RBFOX1: variants seen among roughly 807,000 people sequenced by gnomAD.
The protein encoded by RBFOX1 is RNA binding protein fox-1 homolog 1.
Under a neutral mutation model 57.7 loss-of-function variants are expected in RBFOX1, and 8 were observed. The observed-to-expected ratio is 0.14, with a 90% CI of 0.08 to 0.25. The LOEUF is 0.25. Ranked by LOEUF, RBFOX1 falls within the 10% of genes least tolerant of loss-of-function variation. RBFOX1 has a pLI of 1.00. For synonymous variants in RBFOX1, 326 were observed against 222.4 expected (o/e 1.47, Z -4.15); for missense variants, 611 against 548.5 (o/e 1.11, Z -1.14).
chr16:5,803,313 G>A (rs951533601), intron 3 of RBFOX1, among the ~76,000 whole-genome samples: 1 of 152,102 alleles, frequency 6.6e-6, no homozygotes. Context: ...ACTATTTTAT[G>A]GTCCTCTTTG....
intron 1 of RBFOX1, among the ~76,000 whole-genome samples, chr16:6,178,242 A>C (rs1414626426): frequency 7.6e-6 from 1 of 130,910 alleles, no homozygotes; most frequent in African/African-American, 3.0e-5. Context: ...GCTGGAGTAC[A>C]GTGGTGAGAT....
intron 4 of RBFOX1, among the ~76,000 whole-genome samples, chr16:7,398,596 A>T (rs942428943): frequency 5.3e-5 from 8 of 152,242 alleles, no homozygotes; most frequent in Non-Finnish European, 1.2e-4. Context: ...GCCACCTTCA[A>T]TCTCTCTAAC....
At chr16:7,160,089 G>C (rs1197284817) in intron 4 of RBFOX1, among the ~76,000 whole-genome samples, 1 of 151,996 alleles carries the variant, frequency 6.6e-6, no homozygotes, top group Non-Finnish European at 1.5e-5. Flanking sequence ...AACAGTATTA[G>C]AACTAATTTC....
intron 3 of RBFOX1, among the ~76,000 whole-genome samples, chr16:6,975,131 C>T (rs762482859): frequency 3.3e-5 from 5 of 152,146 alleles, no homozygotes; most frequent in Admixed American, 6.5e-5. Context: ...GAAGGTGTTT[C>T]ACTCTGTGCA....
chr16:5,717,625 C>G (rs2051760284), intron 3 of RBFOX1, among the ~76,000 whole-genome samples: 1 of 152,172 alleles, frequency 6.6e-6, no homozygotes, highest in Non-Finnish European at 1.5e-5. Context: ...TCCTCAGTTA[C>G]TTCACTTAGA....
chr16:6,184,011 G>C (rs1269887670), intron 1 of RBFOX1, among the ~76,000 whole-genome samples: 1 of 152,170 alleles, frequency 6.6e-6, no homozygotes, highest in East Asian at 1.9e-4. Context: ...CACATGGCTG[G>C]GGAGACCGCA....
intron 2 of RBFOX1, among the ~76,000 whole-genome samples, chr16:6,480,339 T>C (rs1022031338): frequency 3.9e-5 from 6 of 152,334 alleles, no homozygotes; most frequent in African/African-American, 1.4e-4. Flanking sequence ...TTAGACTTCC[T>C]GGGCCACTTG....
rs999317518 is a variant in RBFOX1, at chr16:6,019,040, C to G, written c.-1079C>G. On this transcript the variant is annotated 5_prime_UTR_variant, in exon 1 of 16. Transcript: ENST00000550418. This position sits in a 1 kb window ranked among gnomAD's most constrained non-coding sequence, Gnocchi z 4.2. ...TCGCGCACCAGATTATTTTTGGCTC[C>G]GCAGCCGGGGCTGCTCGCTGCTTGT... 4.7e-5 allele frequency: 45 copies of G among 957,052 alleles called. No homozygotes were observed. The highest frequency in any genetic ancestry group is 5.1e-5 in the Non-Finnish European group (41 of 804,942). The allele number at this position is 957,052 out of a possible 1,614,324, so 59.3% of individuals were successfully genotyped here. A position where few individuals can be genotyped will look rare whatever the true frequency, so the allele number is the denominator to read the frequency against.
intron 3 of RBFOX1, among the ~76,000 whole-genome samples, chr16:5,685,606 G>A (rs1175514788): frequency 6.6e-6 from 1 of 152,170 alleles, no homozygotes; most frequent in African/African-American, 2.4e-5. Context: ...GAACTTTGTA[G>A]GTTCTTTCAT....
intron 3 of RBFOX1, among the ~76,000 whole-genome samples, chr16:5,609,501 C>G (rs912891882): frequency 1.3e-5 from 2 of 152,150 alleles, no homozygotes; most frequent in Non-Finnish European, 2.9e-5. Context: ...CTTGTGGAGA[C>G]AAAGGGCAGG....
intron 2 of RBFOX1, among the ~76,000 whole-genome samples, chr16:6,526,804 T>C (rs1275629153): frequency 3.4e-5 from 4 of 116,612 alleles, no homozygotes; most frequent in African/African-American, 6.9e-5. Flanking sequence ...CACTCCACCC[T>C]TGGCAACAGA....
intron 1 of RBFOX1, among the ~76,000 whole-genome samples, chr16:6,142,454 C>G (rs1038770743): frequency 6.6e-6 from 1 of 151,984 alleles, no homozygotes; most frequent in East Asian, 1.9e-4. Context: ...ATCTCCTGAC[C>G]TTGTGATTCG....
chr16:7,014,615 A>G (rs1024238342), intron 3 of RBFOX1, among the ~76,000 whole-genome samples: 1 of 152,156 alleles, frequency 6.6e-6, no homozygotes, highest in African/African-American at 2.4e-5. Flanking sequence ...GCAAAAATAC[A>G]TTTAAAAGGT....
At chr16:5,655,587 G>C (rs1182814707) in intron 3 of RBFOX1, among the ~76,000 whole-genome samples, 1 of 152,172 alleles carries the variant, frequency 6.6e-6, no homozygotes, top group Non-Finnish European at 1.5e-5. Context: ...GGAATGATTG[G>C]GTGAGGAGCT....
chr16:5,699,390 G>C (rs11646262), intron 3 of RBFOX1, among the ~76,000 whole-genome samples: 1 of 143,704 alleles, frequency 7.0e-6, no homozygotes, highest in African/African-American at 2.7e-5. Context: ...TTTTTCTCCT[G>C]CTCTTGGGTC....
chr16:7,218,381 G>A (rs1432514821), intron 4 of RBFOX1, among the ~76,000 whole-genome samples: 1 of 152,118 alleles, frequency 6.6e-6, no homozygotes, highest in African/African-American at 2.4e-5. Context: ...ATGAGACAGA[G>A]TTAGAAGTGG....
At chr16:7,013,370 G>A (rs1381960100) in intron 3 of RBFOX1, among the ~76,000 whole-genome samples, 1 of 152,152 alleles carries the variant, frequency 6.6e-6, no homozygotes, top group Non-Finnish European at 1.5e-5. Flanking sequence ...TCACTTGAAG[G>A]AAAAATTGCC....
intron 4 of RBFOX1, among the ~76,000 whole-genome samples, chr16:7,113,641 A>G (rs1198670797): frequency 1.2e-4 from 19 of 152,182 alleles, no homozygotes; most frequent in African/African-American, 4.6e-4. Flanking sequence ...GTGTCTTCTG[A>G]CTCAATATCC....
At chr16:6,497,950 A>G (rs997872841) in intron 2 of RBFOX1, among the ~76,000 whole-genome samples, 1 of 152,152 alleles carries the variant, frequency 6.6e-6, no homozygotes, top group African/African-American at 2.4e-5. Context: ...TACCCATGTC[A>G]AAAGATGACA....
Sources: gnomAD v4.1 joint callset for allele counts (sites outside exome capture counted in the v4.1 genomes callset) on GRCh38, gnomAD v4.1.1 for gene constraint, Gnocchi (gnomAD v3.1) non-coding constraint, MANE v1.5 for transcripts, NCBI Gene and HGNC (gene_info 2026-07-23, HGNC 2026-07-21) for gene names.